KIAA1217: variants seen among roughly 807,000 people sequenced by gnomAD.
The protein encoded by KIAA1217 is KIAA1217.
In KIAA1217, 88 loss-of-function variants were observed where a neutral mutation model predicts 163.9. The observed-to-expected ratio is 0.54, with a 90% confidence interval of 0.45 to 0.64. The LOEUF (loss-of-function observed/expected upper bound fraction) is 0.64, where lower values mean the gene tolerates loss of function less well. KIAA1217 is among the 30% of genes least tolerant of loss of function. The pLI is 0.00. For missense variants in KIAA1217, 2,372 were observed against 2,475.0 expected, an observed-to-expected ratio of 0.96 and a Z score of 0.88; for synonymous variants, 903 against 923.1, an observed-to-expected ratio of 0.98 and a Z score of 0.39.
intron 2 of KIAA1217, among the ~76,000 whole-genome samples, chr10:24,266,418 A>C (rs1020896750): frequency 6.6e-6 from 1 of 152,130 alleles, no homozygotes; most frequent in Non-Finnish European, 1.5e-5. Context: ...CAAAGACTTC[A>C]TCTTTTCTCC....
intron 2 of KIAA1217, among the ~76,000 whole-genome samples, chr10:24,327,513 C>A (rs180671439): frequency 2.6e-5 from 4 of 152,168 alleles, no homozygotes; most frequent in African/African-American, 9.6e-5. Flanking sequence ...GTTTTTGAGA[C>A]AGGGTCTTGT....
rs1836655000 is a variant in KIAA1217, at chr10:23,804,724, T to C, written c.-321+109490T>C. On this transcript the variant is annotated intron_variant, in intron 1 of 18. Coordinates refer to the KIAA1217 transcript ENST00000376462. ...GCATATGATAGAAATATCATATTTA[T>C]GGCATATGTCAATGAAATAGCCAGC... Among the ~76,000 whole-genome samples the C allele has an allele frequency of 2.0e-5, 3 of 152,328 alleles. No individual in the cohort carries two copies. The South Asian group carries it at 6.2e-4, about 32-fold the overall frequency.
intron 1 of KIAA1217, among the ~76,000 whole-genome samples, chr10:23,896,801 GT>G (rs369829098): frequency 2.6e-5 from 4 of 152,102 alleles, no homozygotes; most frequent in African/African-American, 9.6e-5. Context: ...TTTGAAGTTT[GT>G]TAAGAGCTGG....
chr10:24,534,194 A>G (rs1230641150), intron 16 of KIAA1217, among the ~76,000 whole-genome samples: 1 of 152,206 alleles, frequency 6.6e-6, no homozygotes, highest in African/African-American at 2.4e-5. Context: ...TCTGGTTTCC[A>G]TGGTAATAAC....
chr10:23,928,659 T>C lies in KIAA1217; in HGVS notation c.-320-78566T>C, dbSNP rs557415024. Reference sequence around the variant, plus strand: ...AAGGAATTACACTCATACAATTACATAGTGCTTACTACGTGTCATGCCCCC... The same window carrying C: ...AAGGAATTACACTCATACAATTACACAGTGCTTACTACGTGTCATGCCCCC... On this transcript the variant is annotated intron_variant, in intron 1 of 18. Transcript: ENST00000376462. 1.3e-5 allele frequency among the ~76,000 whole-genome samples: 2 copies of C among 152,258 alleles called. 1 individual carries two copies. The highest frequency in any genetic ancestry group is 3.9e-4 in the East Asian group (2 of 5,184).
intron 20 of KIAA1217, chr10:24,545,549 G>T: frequency 7.5e-7 from 1 of 1,335,834 alleles, no homozygotes; most frequent in Non-Finnish European, 9.5e-7. Context: ...CAGACGCATG[G>T]CCCACCTGGC....
chr10:24,270,993 T>G (rs528983603), intron 2 of KIAA1217, among the ~76,000 whole-genome samples: 76 of 152,356 alleles, frequency 5.0e-4, no homozygotes, highest in African/African-American at 1.8e-3. Context: ...GACTGCCAGA[T>G]TTCTATGAGA....
chr10:23,736,701 A>T (rs11013684), intron 1 of KIAA1217, among the ~76,000 whole-genome samples: 33,081 of 151,634 alleles, frequency 0.22, 3,857 homozygotes, highest in Middle Eastern at 0.29. Flanking sequence ...TTAAAAAAAA[A>T]TTTTCGTAGA....
intron 1 of KIAA1217, among the ~76,000 whole-genome samples, chr10:23,777,927 A>G (rs559119410): frequency 6.9e-4 from 105 of 152,008 alleles, no homozygotes; most frequent in Middle Eastern, 3.4e-3. Context: ...AGTCTTAACT[A>G]CGGAAATTTT....
intron 1 of KIAA1217, among the ~76,000 whole-genome samples, chr10:23,757,491 A>G (rs1833982567): frequency 6.6e-6 from 1 of 151,990 alleles, no homozygotes; most frequent in African/African-American, 2.4e-5. Flanking sequence ...AATGATTAAC[A>G]ATGTTAAGCA....
rs557337932 is a variant in KIAA1217 at position 24,488,273 on chromosome 10, A to G, written c.1680-6227A>G. Among the ~76,000 whole-genome samples, 82 of 152,282 alleles carry G rather than the reference A, an allele frequency of 5.4e-4. 1 individual carries two copies. The highest frequency in any genetic ancestry group is 2.4e-3 in the Admixed American group (37 of 15,284). ...GGATGTTGAAGCTACAAAGGATGGC[A>G]GCTGGGGTATGGTGGATGGGAGCAC... On this transcript the variant is annotated intron_variant, in intron 6 of 20. Coordinates refer to ENST00000376454, the MANE Select transcript of KIAA1217 (RefSeq NM_019590.5).
At chr10:24,270,930 T>C (rs2076715512) in intron 2 of KIAA1217, among the ~76,000 whole-genome samples, 1 of 152,176 alleles carries the variant, frequency 6.6e-6, no homozygotes, top group Non-Finnish European at 1.5e-5. Context: ...TTTTTTGATC[T>C]ACAAAGCACA....
chr10:24,178,194 A>T (rs569281681), intron 2 of KIAA1217, among the ~76,000 whole-genome samples: 1 of 152,360 alleles, frequency 6.6e-6, no homozygotes, highest in South Asian at 2.1e-4. Context: ...TGTCACTTGC[A>T]TAGGGATTTA....
At chr10:24,032,114 T>A (rs532249177) in intron 2 of KIAA1217, among the ~76,000 whole-genome samples, 2 of 152,210 alleles carry the variant, frequency 1.3e-5, no homozygotes, top group Admixed American at 6.5e-5. Flanking sequence ...ACCAGAAAAA[T>A]TCAATATGTT....
intron 1 of KIAA1217, among the ~76,000 whole-genome samples, chr10:23,734,352 T>A (rs1838662765): frequency 6.6e-6 from 1 of 151,766 alleles, no homozygotes; most frequent in Non-Finnish European, 1.5e-5. Context: ...AGTGGCATGA[T>A]CTCAGCTCAC....
chr10:23,927,361 G>GTGTGTGTGT (rs1465506268), intron 1 of KIAA1217, among the ~76,000 whole-genome samples: 2 of 105,848 alleles, frequency 1.9e-5, no homozygotes, highest in Non-Finnish European at 3.7e-5. Flanking sequence ...TGTGTGTGTG[G>GTGTGTGTGT]CCAAATGTTT....
Position 23,936,405 on chromosome 10 carries a change from A to G in KIAA1217, c.-320-70820A>G, listed in dbSNP as rs564984416. ...AGAGATATGTCTAGGTTCCAGCCCC[A>G]GTACTTGTGAATGTGACCTCATTTG... On this transcript the variant is annotated intron_variant, in intron 1 of 18. Transcript: ENST00000376462. Among the ~76,000 whole-genome samples, 73 of 152,320 alleles carry G rather than the reference A, an allele frequency of 4.8e-4. No individual in the cohort carries two copies. The Middle Eastern group carries it at 0.014, about 28-fold the overall frequency.
chr10:23,709,970 A>G (rs1056508903), intron 1 of KIAA1217, among the ~76,000 whole-genome samples: 1 of 152,212 alleles, frequency 6.6e-6, no homozygotes, highest in African/African-American at 2.4e-5. Flanking sequence ...AGAGTTAATT[A>G]TCTGATTTTC....
chr10:24,110,134 T>C (rs745456346), intron 2 of KIAA1217, among the ~76,000 whole-genome samples: 1 of 152,172 alleles, frequency 6.6e-6, no homozygotes. Flanking sequence ...ATTACTTGAG[T>C]TTGTATAAGA....
Sources: gnomAD v4.1 joint callset for allele counts (sites outside exome capture counted in the v4.1 genomes callset) on GRCh38, gnomAD v4.1.1 for gene constraint, MANE v1.5 for transcripts, NCBI Gene and HGNC (gene_info 2026-07-23, HGNC 2026-07-21) for gene names.